Variants in CPSF1 observed in about 807,000 individuals in gnomAD.
CPSF1 encodes the protein cleavage and polyadenylation specific factor 1.
In CPSF1, 106 loss-of-function variants were observed where a neutral mutation model predicts 175.8. The ratio of observed to expected loss-of-function variants is 0.60; its 90% CI spans 0.52 to 0.71. The LOEUF (loss-of-function observed/expected upper bound fraction) is 0.71, where lower values mean the gene tolerates loss of function less well. CPSF1 is among the 30% of genes least tolerant of loss of function. CPSF1 has a pLI of 0.00. For synonymous variants in CPSF1, 1,024 were observed against 858.3 expected, an observed-to-expected ratio of 1.19 and a Z score of -3.37; for missense variants, 1,734 against 2,022.9, an observed-to-expected ratio of 0.86 and a Z score of 2.74.
rs2116912602 is a variant in CPSF1 at position 144,408,995 on chromosome 8, G to C, written c.144+20C>G. ...ACCCACGTCGCGGACAGCCGGGAGG[G>C]CTCCCAGGGCCCGACCTACCTCGGC... On this transcript the variant is annotated intron_variant, in intron 2 of 37. Transcript: ENST00000616140. 22 of 1,609,712 alleles carry C rather than the reference G, an allele frequency of 1.4e-5. No homozygotes were observed. The highest frequency in any genetic ancestry group is 1.9e-5 in the Non-Finnish European group (22 of 1,177,998).
chr8:144,400,050 C>G lies in CPSF1; in HGVS notation c.973G>C (p.Ala325Pro). ...QEGVRITLDC[A>P]QATFISYDKM... ...TCGTAGGAGATGAAGGTGGCCTGGG[C>G]GCAGTCCAGGGTGATCCGCACACCC... is the stretch of plus-strand genomic sequence containing the variant. Residue 325 changes from alanine (A) to proline (P), a missense_variant, in exon 10 of 38, where the codon GCC becomes CCC. Around this residue, in one of 10 missense-constraint regions of CPSF1, gnomAD observed 162 missense variants for 169.5 expected, o/e 0.96. Coordinates refer to ENST00000616140, the MANE Select transcript of CPSF1 (RefSeq NM_013291.3). 1 of 1,610,124 alleles carries G rather than the reference C, an allele frequency of 6.2e-7. No homozygotes were observed. The highest frequency in any genetic ancestry group is 2.2e-5 in the East Asian group (1 of 44,772).
rs890456402 is a variant in CPSF1 at position 144,396,887 on chromosome 8, G to A, written c.2635C>T (p.His879Tyr). 2 of 1,613,762 alleles carry A rather than the reference G, an allele frequency of 1.2e-6. No individual in the cohort carries two copies. Among genetic ancestry groups the A allele is most frequent in the Non-Finnish European group, 1.7e-6 (2 of 1,179,924 alleles). The part of the protein sequence containing the change: ...QELLIYEAFP[H>Y]DSQLGQGNLK... Reference sequence around the variant, plus strand: ...TTGCCCTGGCCGAGCTGAGAGTCGTGGGGGAAGGCCTCGTAGATAAGCAGC... The same window carrying A: ...TTGCCCTGGCCGAGCTGAGAGTCGTAGGGGAAGGCCTCGTAGATAAGCAGC... The change falls in exon 24 of 38, where the codon CAC (histidine) becomes TAC (tyrosine). Residue 879 changes from histidine (H) to tyrosine (Y), a missense_variant. Around this residue, in one of 10 missense-constraint regions of CPSF1, gnomAD observed 585 missense variants for 584.7 expected, o/e 1.00. Coordinates refer to ENST00000616140, the MANE Select transcript of CPSF1 (RefSeq NM_013291.3).
chr8:144,400,297 G>C, intron 8 of CPSF1, 21 bp from the exon 9 acceptor site: 1 of 1,609,128 alleles, frequency 6.2e-7, no homozygotes, highest in Non-Finnish European at 8.5e-7. Context: ...ACACAGGCTG[G>C]TGGGCAGGCT....
In CPSF1 at chr8:144,398,979, G is replaced by A. The variant is rs2116856773; in HGVS notation, c.1527C>T (p.Asn509=). The part of the protein sequence containing the change: ...EIVVCSGHGK[N]GALSVLQKSI... Reference sequence around the variant, plus strand: ...ACACCTGCAGCACCGACAAAGCCCCGTTCTTCCCGTGGCCGGAGCAAACCA... The same window carrying A: ...ACACCTGCAGCACCGACAAAGCCCCATTCTTCCCGTGGCCGGAGCAAACCA... The change falls in exon 16 of 38, where the codon AAC becomes AAT. Residue 509 remains asparagine, a synonymous_variant. Transcript: ENST00000616140. 1.4e-5 allele frequency: 22 copies of A among 1,612,588 alleles called. No individual in the cohort carries two copies. Among genetic ancestry groups the A allele is most frequent in the South Asian group, 2.2e-5 (2 of 91,076 alleles).
chr8:144,399,071 C>A lies in CPSF1; in HGVS notation c.1468-33G>T. ...GGACTCGGGGGTGAGGACTATGCCCCCCACCCCCCCTCACACTCCAGCCCC... is the reference window on the plus strand; with the variant it reads ...GGACTCGGGGGTGAGGACTATGCCCACCACCCCCCCTCACACTCCAGCCCC... On this transcript the variant is annotated intron_variant, in intron 15 of 37. Transcript: ENST00000616140. The surrounding 1 kb of genome is among the most constrained non-coding windows in gnomAD (Gnocchi z 6.4). The A allele has an allele frequency of 6.5e-7, 1 of 1,549,960 alleles. No individual in the cohort carries two copies. Among genetic ancestry groups the A allele is most frequent in the Non-Finnish European group, 8.7e-7 (1 of 1,146,868 alleles).
At chr8:144,395,724 G>C (rs1554863513) in intron 26 of CPSF1, 173 bp from the exon 27 acceptor site, 1 of 616,990 alleles carries the variant, frequency 1.6e-6, no homozygotes, top group South Asian at 1.9e-5. Flanking sequence ...TCAGCCTCTG[G>C]GGCTCCTCCT....
Position 144,393,662 on chromosome 8 carries a change from C to T in CPSF1, c.4145+5G>A. On this transcript the variant is annotated splice_donor_5th_base_variant and intron_variant, in intron 36 of 37. Coordinates refer to ENST00000616140, the MANE Select transcript of CPSF1 (RefSeq NM_013291.3). The stretch of plus-strand genomic sequence containing the variant: ...GTGCTGCACGGGGGCGGGGCCGGGG[C>T]TCACCGGAAGGCGCGGGGGTTGAGG... 2 of 1,566,264 alleles carry T rather than the reference C, an allele frequency of 1.3e-6. No homozygotes were observed. The highest frequency in any genetic ancestry group is 1.3e-5 in the African/African-American group (1 of 74,562).
rs1340680949 is a variant in CPSF1, at chr8:144,400,586, C to T, written c.686+85G>A. ...AGCAAGCCCCACCACACCCCATAGGCCCCGCCCTAAACCCCATGGGCCCCA... is the reference window on the plus strand; with the variant it reads ...AGCAAGCCCCACCACACCCCATAGGTCCCGCCCTAAACCCCATGGGCCCCA... On this transcript the variant is annotated intron_variant, in intron 7 of 37. Transcript: ENST00000616140. The T allele has an allele frequency of 3.7e-6, 6 of 1,602,262 alleles. No individual in the cohort carries two copies. In the South Asian group the frequency reaches 4.4e-5, roughly 12 times the overall value.
intron 2 of CPSF1, among the ~76,000 whole-genome samples, chr8:144,402,775 C>A (rs1821291077): frequency 2.0e-5 from 3 of 151,854 alleles, no homozygotes; most frequent in African/African-American, 4.8e-5. Context: ...AAAAAAAAAA[C>A]ACACACCCAC....
At position 144,400,285 on chromosome 8, in the gene CPSF1, G is replaced by A. The variant is rs2116874181; in HGVS notation, c.827-9C>T. On this transcript the variant is annotated splice_polypyrimidine_tract_variant and intron_variant, in intron 8 of 37. Transcript: ENST00000616140. ...AAACACCACCACCCCACCTGGAGGT[G>A]GACACAGGCTGGTGGGCAGGCTCAG... 6.2e-7 allele frequency: 1 copy of A among 1,607,532 alleles called. No homozygotes were observed. The highest frequency in any genetic ancestry group is 2.2e-5 in the East Asian group (1 of 44,716).
Position 144,401,010 on chromosome 8 carries a change from G to A in CPSF1, c.453C>T (p.Ala151=), listed in dbSNP as rs2116880514. Residue 151 remains alanine, a synonymous_variant, in exon 6 of 38, where the codon GCC becomes GCT. Coordinates refer to ENST00000616140, the MANE Select transcript of CPSF1 (RefSeq NM_013291.3). ...VRVDPDGRCA[A]MLVYGTRLVV... is the part of the protein sequence containing the mutation. ...CCAGCCGCGTGCCGTAGACAAGCAT[G>A]GCTGCACAGCGCCCGTCGGGGTCCA... 1.9e-6 allele frequency: 3 copies of A among 1,610,396 alleles called. No individual in the cohort carries two copies. Among genetic ancestry groups the A allele is most frequent in the Non-Finnish European group, 2.5e-6 (3 of 1,178,310 alleles).
Position 144,394,028 on chromosome 8 carries a change from ACT to A in CPSF1, c.3868_3869del (p.Ser1290PhefsTer31), listed in dbSNP as rs1554862551. On this transcript the variant is annotated frameshift_variant, in exon 35 of 38. Coordinates refer to ENST00000616140, the MANE Select transcript of CPSF1 (RefSeq NM_013291.3). LOFTEE classifies it high-confidence loss of function. ...VYMYLPEAKE[S>X]FGGMRLLRRA... ...GACGCAGCAGGCGCATGCCCCCGAA[ACT>A]CTCCTTGGCTAGACCAGAAAGGCCT... is the stretch of plus-strand genomic sequence containing the variant. The A allele has an allele frequency of 3.1e-6, 5 of 1,610,914 alleles. No individual in the cohort carries two copies. Among genetic ancestry groups the A allele is most frequent in the South Asian group, 2.2e-5 (2 of 90,946 alleles).
In CPSF1 at chr8:144,400,805, G is replaced by A. The variant is rs2116878461; in HGVS notation, c.552C>T (p.Ser184=). Residue 184 remains serine, a synonymous_variant, in exon 7 of 38, where the codon AGC becomes AGT. Coordinates refer to ENST00000616140, the MANE Select transcript of CPSF1 (RefSeq NM_013291.3). ...CGTCGATGATGTAGCTGGGCAGGAA[G>A]CTGGACCTCTGCCTGGGGGGCCAGG... The part of the protein sequence containing the change: ...EGLVGEGQRS[S]FLPSYIIDVR... 1.9e-5 allele frequency: 31 copies of A among 1,613,708 alleles called. No homozygotes were observed. Among genetic ancestry groups the A allele is most frequent in the Non-Finnish European group, 2.4e-5 (28 of 1,179,946 alleles).
chr8:144,394,077 C>A, intron 34 of CPSF1, 36 bp downstream of exon 34: 1 of 1,611,066 alleles, frequency 6.2e-7, no homozygotes, highest in Non-Finnish European at 8.5e-7. Flanking sequence ...CTAGCCCAGC[C>A]CCGGCCCAGG....
chr8:144,397,912 A>G, intron 20 of CPSF1, 33 bp from the exon 21 acceptor site: 1 of 1,598,506 alleles, frequency 6.3e-7, no homozygotes, highest in East Asian at 2.2e-5. Context: ...AGCGGCGGGC[A>G]AGGGGCAGGG....
At chr8:144,400,135 G>GGGGGGGGGCCCC in intron 9 of CPSF1, 31 bp downstream of exon 9, 5 of 895,972 alleles carry the variant, frequency 5.6e-6, no homozygotes, top group Non-Finnish European at 8.0e-6. Context: ...CCGTCCCCGG[G>GGGGGGGGGCCCC]CCCCCCCCGC....
At position 144,396,833 on chromosome 8, in the gene CPSF1, C is replaced by A; in HGVS notation, c.2682+7G>T. On this transcript the variant is annotated splice_region_variant and intron_variant, in intron 24 of 37. Coordinates refer to ENST00000616140, the MANE Select transcript of CPSF1 (RefSeq NM_013291.3). The stretch of plus-strand genomic sequence containing the variant: ...ACCCCACGCCCCAGCAGTCCAGCCA[C>A]TGGCACCTTCTTAAAGCGGACTTTG... 1 of 1,614,006 alleles carries A rather than the reference C, an allele frequency of 6.2e-7. No homozygotes were observed. The highest frequency in any genetic ancestry group is 8.5e-7 in the Non-Finnish European group (1 of 1,179,928).
Position 144,408,374 on chromosome 8 carries a change from G to C in CPSF1, c.144+641C>G, listed in dbSNP as rs1821612435. Among the ~76,000 whole-genome samples the C allele has an allele frequency of 3.3e-5, 5 of 152,164 alleles. No individual in the cohort carries two copies. The South Asian group carries it at 8.3e-4, about 25-fold the overall frequency. Reference sequence around the variant, plus strand: ...AAGAGCAATGGAGAAACTGCCTCTTGCAAGTTGCTTTCCTGGACCAGCTTT... The same window carrying C: ...AAGAGCAATGGAGAAACTGCCTCTTCCAAGTTGCTTTCCTGGACCAGCTTT... On this transcript the variant is annotated intron_variant, in intron 2 of 37. Coordinates refer to ENST00000616140, the MANE Select transcript of CPSF1 (RefSeq NM_013291.3).
In CPSF1 at chr8:144,399,544, T is replaced by C; in HGVS notation, c.1243-41A>G. Reference sequence around the variant, plus strand: ...GGCACTGAGTGGCATGCCACAGCAGTGCCCACATGAAGGGTGGTGGCCCAA... The same window carrying C: ...GGCACTGAGTGGCATGCCACAGCAGCGCCCACATGAAGGGTGGTGGCCCAA... On this transcript the variant is annotated intron_variant, in intron 12 of 37. Transcript: ENST00000616140. This position sits in a 1 kb window ranked among gnomAD's most constrained non-coding sequence, Gnocchi z 6.4. The C allele has an allele frequency of 6.2e-7, 1 of 1,611,806 alleles. No individual in the cohort carries two copies. Among genetic ancestry groups the C allele is most frequent in the Non-Finnish European group, 8.5e-7 (1 of 1,179,428 alleles).
Sources: gnomAD v4.1 joint callset for allele counts (sites outside exome capture counted in the v4.1 genomes callset) on GRCh38, gnomAD v4.1.1 for gene constraint, gnomAD v4.1.1 regional missense constraint, Gnocchi (gnomAD v3.1) non-coding constraint, MANE v1.5 for transcripts, NCBI Gene and HGNC (gene_info 2026-07-23, HGNC 2026-07-21) for gene names.